The following SLC8A1 variants were observed in gnomAD, a reference collection of about 807,000 sequenced individuals.
The protein encoded by SLC8A1 is solute carrier family 8 member A1.
A neutral mutation model predicts 68.3 loss-of-function variants in SLC8A1; 18 were observed. That is an observed-to-expected ratio of 0.26 (90% CI 0.18 to 0.39). The LOEUF (loss-of-function observed/expected upper bound fraction) is 0.39, where lower values mean the gene tolerates loss of function less well. Ranked by LOEUF, SLC8A1 falls within the 10% of genes least tolerant of loss-of-function variation. The pLI, the probability that SLC8A1 is intolerant of heterozygous loss-of-function variation, is 1.00. For missense variants in SLC8A1, 985 were observed against 1,156.7 expected (o/e 0.85, Z 2.15); for synonymous variants, 475 against 415.5 (o/e 1.14, Z -1.74).
At chr2:40,475,899 C>T (rs1704275623) in intron 1 of SLC8A1, among the ~76,000 whole-genome samples, 1 of 152,058 alleles carries the variant, frequency 6.6e-6, no homozygotes, top group African/African-American at 2.4e-5. Flanking sequence ...ACATAACTTT[C>T]TATGATGCAT....
intron 1 of SLC8A1, among the ~76,000 whole-genome samples, chr2:40,485,568 C>T (rs927669571): frequency 2.6e-5 from 4 of 152,124 alleles, no homozygotes; most frequent in Non-Finnish European, 5.9e-5. Context: ...TGGTTATTTC[C>T]CTCTTTTCTG....
At chr2:40,367,670 T>C (rs1034386790) in intron 2 of SLC8A1, among the ~76,000 whole-genome samples, 2 of 152,004 alleles carry the variant, frequency 1.3e-5, no homozygotes, top group Non-Finnish European at 2.9e-5. Context: ...AGACTGTCAA[T>C]GAAATCTGAA....
chr2:40,273,908 CCT>C (rs1274752150), intron 2 of SLC8A1, among the ~76,000 whole-genome samples: 56 of 148,882 alleles, frequency 3.8e-4, no homozygotes, highest in African/African-American at 7.5e-5. Context: ...GTGCTGTCAG[CCT>C]CTCTCTTGAC....
At chr2:40,238,353 G>T (rs1327708600) in intron 2 of SLC8A1, among the ~76,000 whole-genome samples, 2 of 152,208 alleles carry the variant, frequency 1.3e-5, no homozygotes, top group Admixed American at 1.3e-4. Context: ...ATTCGGGTGG[G>T]AGTGACCCGA....
chr2:40,208,057 C>T (rs1379232837), intron 2 of SLC8A1, among the ~76,000 whole-genome samples: 4 of 152,096 alleles, frequency 2.6e-5, no homozygotes, highest in Non-Finnish European at 1.5e-5. Context: ...ATAACTGTTA[C>T]ATACATGTAT....
At position 40,194,469 on chromosome 2, in the gene SLC8A1, A is replaced by ATGTGTGTGTG. The variant is rs543194094; in HGVS notation, c.1809-16624_1809-16615dup. ...AATGACTCAGGTTACTCAGTAAGCA[A>ATGTGTGTGTG]TGTGTGTGTGTGTGTGTGTGTGTGT... On this transcript the variant is annotated intron_variant, in intron 2 of 7. Coordinates refer to ENST00000406785, the Ensembl canonical transcript of SLC8A1. Among the ~76,000 whole-genome samples, 1,058 of 137,408 alleles carry ATGTGTGTGTG rather than the reference A, an allele frequency of 7.7e-3. 14 individuals are homozygous for ATGTGTGTGTG. Among genetic ancestry groups the ATGTGTGTGTG allele is most frequent in the African/African-American group, 0.028 (1,020 of 36,946 alleles). The allele number at this position is 137,408 out of a possible 152,430, so 90.1% of individuals were successfully genotyped here.
intron 2 of SLC8A1, among the ~76,000 whole-genome samples, chr2:40,409,209 C>T (rs1024101698): frequency 3.9e-5 from 6 of 152,026 alleles, no homozygotes; most frequent in African/African-American, 1.4e-4. Flanking sequence ...TGTAAAAGAA[C>T]CTATTAGTTG....
intron 2 of SLC8A1, among the ~76,000 whole-genome samples, chr2:40,224,333 T>C (rs1222659831): frequency 1.3e-5 from 2 of 152,102 alleles, no homozygotes; most frequent in African/African-American, 4.8e-5. Flanking sequence ...TTGTCTCTCA[T>C]AAGATTTGCT....
At chr2:40,229,578 C>T (rs1292490659) in intron 2 of SLC8A1, among the ~76,000 whole-genome samples, 1 of 152,112 alleles carries the variant, frequency 6.6e-6, no homozygotes, top group East Asian at 1.9e-4. Flanking sequence ...GGCAAATCTC[C>T]TAAATAAGTC....
chr2:40,099,361 G>T (rs956045792), exon 8 of SLC8A1: 1 of 152,028 alleles, frequency 6.6e-6, no homozygotes, highest in East Asian at 1.9e-4. Flanking sequence ...GCAAAGAATA[G>T]AAACGGAAAA....
intron 2 of SLC8A1, among the ~76,000 whole-genome samples, chr2:40,317,867 C>A (rs1449355085): frequency 6.6e-6 from 1 of 151,970 alleles, no homozygotes; most frequent in African/African-American, 2.4e-5. Flanking sequence ...TACTGAAAAC[C>A]TGATGCTGAC....
chr2:40,412,431 G>C lies in SLC8A1; in HGVS notation c.1808+16042C>G, dbSNP rs187046591. Among the ~76,000 whole-genome samples the C allele has an allele frequency of 9.5e-4, 145 of 152,144 alleles. 2 individuals are homozygous for C. Among genetic ancestry groups the C allele is most frequent in the African/African-American group, 3.3e-3 (136 of 41,538 alleles). On this transcript the variant is annotated intron_variant, in intron 2 of 7. Transcript: ENST00000406785. ...ACCATTTATGGTATATTAGGCACTG[G>C]ATTAAAAGCTGGAAATAACTAGCAA...
chr2:40,230,784 A>C (rs1294191996), intron 2 of SLC8A1, among the ~76,000 whole-genome samples: 2 of 152,198 alleles, frequency 1.3e-5, no homozygotes, highest in Non-Finnish European at 2.9e-5. Flanking sequence ...TTTCATAAAC[A>C]GATTACTATG....
At chr2:40,389,868 T>G (rs1684745670) in intron 2 of SLC8A1, among the ~76,000 whole-genome samples, 1 of 150,170 alleles carries the variant, frequency 6.7e-6, no homozygotes, top group East Asian at 2.0e-4. Flanking sequence ...AAAATCAATG[T>G]TATAATCAGC....
At chr2:40,323,351 G>T (rs772847034) in intron 2 of SLC8A1, among the ~76,000 whole-genome samples, 6 of 152,036 alleles carry the variant, frequency 3.9e-5, no homozygotes, top group Admixed American at 6.6e-5. Flanking sequence ...TCCATAAAAA[G>T]CTCACAGGTC....
At position 40,502,680 on chromosome 2, in the gene SLC8A1, A is replaced by T. The variant is rs547194418; in HGVS notation, c.-25+9669T>A. Among the ~76,000 whole-genome samples the T allele has an allele frequency of 3.9e-4, 59 of 152,172 alleles. 1 individual carries two copies. The highest frequency in any genetic ancestry group is 1.4e-3 in the African/African-American group (58 of 41,566). On this transcript the variant is annotated intron_variant, in intron 1 of 7. Transcript: ENST00000402441. Reference sequence around the variant, plus strand: ...TTTGAATAATAAACACATTACTCAGATTAAGTAAAGAATACTCATTTATTC... The same window carrying T: ...TTTGAATAATAAACACATTACTCAGTTTAAGTAAAGAATACTCATTTATTC...
At chr2:40,484,457 G>GT (rs1704826877) in intron 1 of SLC8A1, among the ~76,000 whole-genome samples, 1 of 152,174 alleles carries the variant, frequency 6.6e-6, no homozygotes, top group African/African-American at 2.4e-5. Context: ...GAGCTTTCTC[G>GT]TATCTTTACA....
At chr2:40,149,827 T>C (rs2043086998) in intron 6 of SLC8A1, among the ~76,000 whole-genome samples, 1 of 152,136 alleles carries the variant, frequency 6.6e-6, no homozygotes, top group Admixed American at 6.5e-5. Context: ...GCTTCAATCT[T>C]TGCTTTGTCT....
intron 2 of SLC8A1, among the ~76,000 whole-genome samples, chr2:40,283,681 C>G (rs1335741921): frequency 6.6e-6 from 1 of 152,208 alleles, no homozygotes; most frequent in Admixed American, 6.5e-5. Context: ...GAGCTCCATG[C>G]TCTTTATCTC....
Sources: gnomAD v4.1 joint callset for allele counts (sites outside exome capture counted in the v4.1 genomes callset) on GRCh38, gnomAD v4.1.1 for gene constraint, MANE v1.5 for transcripts, NCBI Gene and HGNC (gene_info 2026-07-23, HGNC 2026-07-21) for gene names.